Variants in MARCHF1 observed in about 807,000 individuals in gnomAD.
MARCHF1 encodes the protein membrane associated ring-CH-type finger 1.
In MARCHF1, 40 loss-of-function variants were observed where a neutral mutation model predicts 54.2. That is an observed-to-expected ratio of 0.74 (90% CI 0.57 to 0.96). MARCHF1 has a LOEUF of 0.96. Among genes scored for constraint, MARCHF1 ranks in the 40% least tolerant of loss-of-function variants. The pLI, the probability that MARCHF1 is intolerant of heterozygous loss-of-function variation, is 0.00. For synonymous variants in MARCHF1, 236 were observed against 236.3 expected, an observed-to-expected ratio of 1.00 and a Z score of 0.01; for missense variants, 586 against 656.5, an observed-to-expected ratio of 0.89 and a Z score of 1.17.
chr4:163,879,931 A>G (rs1428583567), intron 3 of MARCHF1, among the ~76,000 whole-genome samples: 1 of 151,966 alleles, frequency 6.6e-6, no homozygotes, highest in Non-Finnish European at 1.5e-5. Context: ...GCTTTTCTTT[A>G]GGTTCCAATT....
chr4:163,797,922 G>A (rs1436130940), intron 4 of MARCHF1, among the ~76,000 whole-genome samples: 1 of 152,102 alleles, frequency 6.6e-6, no homozygotes, highest in African/African-American at 2.4e-5. Flanking sequence ...GTGTTTGTGT[G>A]TCTGTAATTT....
Position 164,312,683 on chromosome 4 carries a change from T to C in MARCHF1, c.-323+71187A>G, listed in dbSNP as rs1190308723. ...TTGGAGAAAGAATCTACGATTTACATAAAACCCACAGAAGTTCTTAGTCTC... is the reference window on the plus strand; with the variant it reads ...TTGGAGAAAGAATCTACGATTTACACAAAACCCACAGAAGTTCTTAGTCTC... On this transcript the variant is annotated intron_variant, in intron 1 of 9. Transcript: ENST00000514618. Among the ~76,000 whole-genome samples the C allele has an allele frequency of 3.9e-5, 6 of 152,272 alleles. 1 individual carries two copies. The East Asian group carries it at 1.2e-3, about 29-fold the overall frequency.
chr4:164,365,488 TCTA>T (rs1730852904), intron 1 of MARCHF1, among the ~76,000 whole-genome samples: 1 of 152,072 alleles, frequency 6.6e-6, no homozygotes, highest in African/African-American at 2.4e-5. Flanking sequence ...AAACCAAGCT[TCTA>T]CTTCATCTCT....
intron 9 of MARCHF1, among the ~76,000 whole-genome samples, chr4:163,531,141 A>C (rs1402182801): frequency 6.6e-6 from 1 of 151,926 alleles, no homozygotes; most frequent in East Asian, 1.9e-4. Flanking sequence ...GGGTGAGACT[A>C]GCATTACCCA....
Position 163,690,159 on chromosome 4 carries a change from G to A in MARCHF1, c.162+10654C>T, listed in dbSNP as rs548129263. On this transcript the variant is annotated intron_variant, in intron 5 of 9. Coordinates refer to ENST00000514618, the MANE Select transcript of MARCHF1 (RefSeq NM_001394959.1). ...GCCAACAGAAATCCCATGTCCCATT[G>A]TGTTTGATTTGTGAGCCAACTTGCA... 3.9e-5 allele frequency among the ~76,000 whole-genome samples: 6 copies of A among 152,302 alleles called. No homozygotes were observed. The South Asian group carries it at 8.3e-4, about 21-fold the overall frequency.
intron 4 of MARCHF1, among the ~76,000 whole-genome samples, chr4:163,789,025 C>A (rs1338663359): frequency 6.6e-6 from 1 of 151,840 alleles, no homozygotes; most frequent in Non-Finnish European, 1.5e-5. Flanking sequence ...CTGAGATGTT[C>A]TAATGGTGAT....
chr4:164,119,385 AATAC>A (rs1756015077), intron 1 of MARCHF1, among the ~76,000 whole-genome samples: 1 of 151,472 alleles, frequency 6.6e-6, no homozygotes, highest in East Asian at 1.9e-4. Flanking sequence ...ACAAATAATA[AATAC>A]AAATAAAGAA....
Position 163,942,133 on chromosome 4 carries a change from T to C in MARCHF1, c.-39+46368A>G, listed in dbSNP as rs770532148. On this transcript the variant is annotated intron_variant, in intron 3 of 9. Transcript: ENST00000514618. ...ATTTTCTATTGCTTCATATTCCATC[T>C]TCCATAAGTTACAGCCTGCTTTTAT... is the stretch of plus-strand genomic sequence containing the variant. Among the ~76,000 whole-genome samples, 5 of 152,336 alleles carry C rather than the reference T, an allele frequency of 3.3e-5. No individual in the cohort carries two copies. The East Asian group carries it at 9.7e-4, about 29-fold the overall frequency.
At chr4:164,004,820 A>G (rs1753254859) in intron 2 of MARCHF1, among the ~76,000 whole-genome samples, 2 of 152,136 alleles carry the variant, frequency 1.3e-5, no homozygotes, top group African/African-American at 4.8e-5. Flanking sequence ...ATGCCCATCA[A>G]AATTAGTGAG....
chr4:164,001,739 A>C (rs1753190023), intron 2 of MARCHF1, among the ~76,000 whole-genome samples: 1 of 151,862 alleles, frequency 6.6e-6, no homozygotes, highest in South Asian at 2.1e-4. Context: ...AGAGTAATAG[A>C]GATGGATGGA....
chr4:164,012,031 G>A (rs989370903), intron 2 of MARCHF1, among the ~76,000 whole-genome samples: 6 of 152,138 alleles, frequency 3.9e-5, no homozygotes, highest in African/African-American at 1.2e-4. Flanking sequence ...GACCAGCCCT[G>A]GGCCAGAGGG....
chr4:163,989,213 A>G (rs1752925791), intron 2 of MARCHF1, among the ~76,000 whole-genome samples: 1 of 152,070 alleles, frequency 6.6e-6, no homozygotes, highest in South Asian at 2.1e-4. Flanking sequence ...TCCTTCATGC[A>G]TCTACAATAA....
At chr4:164,009,099 A>G (rs1275911022) in intron 2 of MARCHF1, among the ~76,000 whole-genome samples, 1 of 152,042 alleles carries the variant, frequency 6.6e-6, no homozygotes, top group Non-Finnish European at 1.5e-5. Context: ...ACCCAAATAA[A>G]TAATATCAAA....
rs191145392 is a variant in MARCHF1 at position 164,367,604 on chromosome 4, T to C, written c.-323+16266A>G. ...CTGAATTTTGACACCAATATTCACTTGGTAGGAATGACTTAGATTTAAAGT... is the reference window on the plus strand; with the variant it reads ...CTGAATTTTGACACCAATATTCACTCGGTAGGAATGACTTAGATTTAAAGT... On this transcript the variant is annotated intron_variant, in intron 1 of 9. Transcript: ENST00000514618. Among the ~76,000 whole-genome samples the C allele has an allele frequency of 4.9e-3, 578 of 118,908 alleles. 14 individuals carry two copies. The highest frequency in any genetic ancestry group is 0.046 in the Admixed American group (502 of 10,898). The allele number at this position is 118,908 out of a possible 152,430, so 78.0% of individuals were successfully genotyped here. A position where few individuals can be genotyped will look rare whatever the true frequency, so the allele number is the denominator to read the frequency against.
chr4:164,253,838 C>T (rs890599555), intron 1 of MARCHF1, among the ~76,000 whole-genome samples: 12 of 152,026 alleles, frequency 7.9e-5, no homozygotes, highest in African/African-American at 2.4e-4. Context: ...TGAAATACTA[C>T]TCAGCATTAA....
At chr4:164,236,713 A>G (rs1732573884) in intron 1 of MARCHF1, among the ~76,000 whole-genome samples, 1 of 152,126 alleles carries the variant, frequency 6.6e-6, no homozygotes, top group African/African-American at 2.4e-5. Context: ...GTTACAAACA[A>G]ATTTAGTAAG....
chr4:163,872,010 TGAA>T (rs1344627813), intron 3 of MARCHF1, among the ~76,000 whole-genome samples: 1 of 152,200 alleles, frequency 6.6e-6, no homozygotes, highest in East Asian at 1.9e-4. Flanking sequence ...GTATTTAAAT[TGAA>T]GAAGCTTAAG....
At position 164,220,891 on chromosome 4, in the gene MARCHF1, T is replaced by C. The variant is rs190758970; in HGVS notation, c.-322-109229A>G. ...ACATTTATTTAAAAAAACAAAACAGTAGTAGACAGTAGTAGACATTGAATA... is the reference window on the plus strand; with the variant it reads ...ACATTTATTTAAAAAAACAAAACAGCAGTAGACAGTAGTAGACATTGAATA... On this transcript the variant is annotated intron_variant, in intron 1 of 9. Transcript: ENST00000514618. 2.7e-3 allele frequency among the ~76,000 whole-genome samples: 405 copies of C among 148,244 alleles called. 3 individuals carry two copies. Among genetic ancestry groups the C allele is most frequent in the Admixed American group, 6.6e-3 (98 of 14,894 alleles).
intron 4 of MARCHF1, among the ~76,000 whole-genome samples, chr4:163,852,075 C>T (rs759322942): frequency 6.6e-6 from 1 of 152,100 alleles, no homozygotes; most frequent in Non-Finnish European, 1.5e-5. Flanking sequence ...AACTTGATAT[C>T]TTTTTCTTTA....
Sources: gnomAD v4.1 joint callset for allele counts (sites outside exome capture counted in the v4.1 genomes callset) on GRCh38, gnomAD v4.1.1 for gene constraint, MANE v1.5 for transcripts, NCBI Gene and HGNC (gene_info 2026-07-23, HGNC 2026-07-21) for gene names.